Variants in NRXN3 observed in about 807,000 individuals in gnomAD.
NRXN3 encodes neurexin III.
Under a neutral mutation model 137.6 loss-of-function variants are expected in NRXN3, and 32 were observed. That is an observed-to-expected ratio of 0.23 (90% CI 0.18 to 0.31). The LOEUF (loss-of-function observed/expected upper bound fraction) is 0.31, where lower values mean the gene tolerates loss of function less well. NRXN3 is among the 10% of genes least tolerant of loss of function. The probability of loss-of-function intolerance (pLI) is 1.00; values close to 1 mark genes in which losing one functional copy is unlikely to be tolerated. For synonymous variants in NRXN3, 798 were observed against 784.5 expected, an observed-to-expected ratio of 1.02 and a Z score of -0.29; for missense variants, 1,574 against 2,062.5, an observed-to-expected ratio of 0.76 and a Z score of 4.59.
intron 6 of NRXN3, among the ~76,000 whole-genome samples, chr14:78,683,762 A>G (rs776014536): frequency 2.0e-5 from 3 of 152,208 alleles, no homozygotes; most frequent in Non-Finnish European, 2.9e-5. Context: ...GGAGTGACAA[A>G]CTTTTGTCAC....
intron 16 of NRXN3, among the ~76,000 whole-genome samples, chr14:79,475,649 C>A (rs2153630160): frequency 6.6e-6 from 1 of 152,176 alleles, no homozygotes; most frequent in Non-Finnish European, 1.5e-5. Flanking sequence ...CAACTCCTGG[C>A]ATATAGTGAG....
chr14:79,779,595 CA>C (rs985409943), intron 19 of NRXN3, among the ~76,000 whole-genome samples: 1 of 152,130 alleles, frequency 6.6e-6, no homozygotes, highest in Non-Finnish European at 1.5e-5. Context: ...AGCACATGAT[CA>C]AAAAACTTTT....
intron 4 of NRXN3, among the ~76,000 whole-genome samples, chr14:78,337,157 G>T (rs956976261): frequency 1.1e-4 from 16 of 152,192 alleles, no homozygotes; most frequent in African/African-American, 3.9e-4. Context: ...TTCACTTACT[G>T]GGGGAGGCAG....
At chr14:78,850,196 C>A (rs1039388393) in intron 10 of NRXN3, among the ~76,000 whole-genome samples, 3 of 150,202 alleles carry the variant, frequency 2.0e-5, no homozygotes, top group Non-Finnish European at 3.0e-5. Flanking sequence ...AAGAGAGAGG[C>A]TCCTGTAATG....
At chr14:78,482,288 T>G (rs937151527) in intron 4 of NRXN3, among the ~76,000 whole-genome samples, 4 of 152,224 alleles carry the variant, frequency 2.6e-5, no homozygotes, top group Admixed American at 2.6e-4. Context: ...GCTATTTGTA[T>G]ACTTGTTTAT....
At chr14:78,766,131 A>G (rs2050962173) in intron 8 of NRXN3, among the ~76,000 whole-genome samples, 1 of 152,214 alleles carries the variant, frequency 6.6e-6, no homozygotes. Flanking sequence ...TAAAGATGAC[A>G]TCTTAATATA....
Position 78,715,097 on chromosome 14 carries a change from G to A in NRXN3, c.2002G>A (p.Asp668Asn). 1.2e-6 allele frequency: 2 copies of A among 1,612,422 alleles called. No homozygotes were observed. The highest frequency in any genetic ancestry group is 8.5e-7 in the Non-Finnish European group (1 of 1,179,718). The change falls in exon 8 of 21, where the codon GAC (aspartate) becomes AAC (asparagine). Residue 668 changes from aspartate (D) to asparagine (N), a missense_variant. This residue lies in a region of NRXN3 where 718 missense variants were observed against 887.6 expected (regional missense o/e 0.81). Coordinates refer to ENST00000335750, the MANE Select transcript of NRXN3 (RefSeq NM_001330195.2). ...GGACGGCTGGAACCGCTTCATCTGC[G>A]ACTGCACCGGCACCGGATACTGGGG... is the stretch of plus-strand genomic sequence containing the variant. ...CKDGWNRFIC[D>N]CTGTGYWGRT...
At chr14:79,199,479 C>T (rs745652105) in intron 15 of NRXN3, among the ~76,000 whole-genome samples, 3 of 152,098 alleles carry the variant, frequency 2.0e-5, no homozygotes, top group Admixed American at 1.3e-4. Context: ...TGTTCACTAA[C>T]GTAATTTTTA....
At chr14:78,241,449 G>A (rs10129422) in intron 1 of NRXN3, among the ~76,000 whole-genome samples, 62,096 of 151,710 alleles carry the variant, frequency 0.41, 14,060 homozygotes, top group African/African-American at 0.61. Flanking sequence ...ATGAAACTCC[G>A]TCTCTACTAA....
intron 8 of NRXN3, among the ~76,000 whole-genome samples, chr14:78,787,326 T>G (rs1208005864): frequency 6.6e-6 from 1 of 152,178 alleles, no homozygotes; most frequent in African/African-American, 2.4e-5. Flanking sequence ...TACAACTGTG[T>G]GTGGAGCAGT....
At chr14:79,069,501 A>G (rs2099684835) in intron 15 of NRXN3, among the ~76,000 whole-genome samples, 1 of 152,030 alleles carries the variant, frequency 6.6e-6, no homozygotes, top group Admixed American at 6.6e-5. Flanking sequence ...TGACAGTGCT[A>G]AGTGCTACAA....
At chr14:78,409,923 C>G (rs1184725184) in intron 4 of NRXN3, among the ~76,000 whole-genome samples, 1 of 152,150 alleles carries the variant, frequency 6.6e-6, no homozygotes, top group Admixed American at 6.5e-5. Flanking sequence ...CTAGGAATAC[C>G]TTGATACAAG....
intron 4 of NRXN3, among the ~76,000 whole-genome samples, chr14:78,378,641 C>A (rs903309246): frequency 6.6e-5 from 10 of 151,986 alleles, no homozygotes; most frequent in Non-Finnish European, 1.3e-4. Context: ...TAATCAAACT[C>A]ACATCTTAAA....
chr14:79,758,248 G>A (rs2099026564), intron 19 of NRXN3, among the ~76,000 whole-genome samples: 1 of 152,100 alleles, frequency 6.6e-6, no homozygotes, highest in Non-Finnish European at 1.5e-5. Context: ...GTGAGACTGA[G>A]TAATTTACAA....
At chr14:78,887,396 T>G (rs960632956) in intron 10 of NRXN3, among the ~76,000 whole-genome samples, 3 of 151,960 alleles carry the variant, frequency 2.0e-5, no homozygotes, top group African/African-American at 4.8e-5. Flanking sequence ...GAAAGAGGGA[T>G]GTATACAGAT....
intron 15 of NRXN3, among the ~76,000 whole-genome samples, chr14:79,022,848 T>C (rs2099591891): frequency 6.6e-6 from 1 of 152,190 alleles, no homozygotes; most frequent in Non-Finnish European, 1.5e-5. Context: ...TTAGCCTTAA[T>C]CAGGGCCCAC....
intron 15 of NRXN3, among the ~76,000 whole-genome samples, chr14:79,260,471 G>A (rs914653689): frequency 5.9e-5 from 9 of 152,136 alleles, no homozygotes; most frequent in Non-Finnish European, 1.0e-4. Flanking sequence ...TTGTGTTGGG[G>A]AGTACTTTTG....
intron 15 of NRXN3, among the ~76,000 whole-genome samples, chr14:79,116,539 T>C (rs1015552152): frequency 2.6e-5 from 4 of 152,214 alleles, no homozygotes; most frequent in Non-Finnish European, 5.9e-5. Context: ...GAAGTTTGGC[T>C]ACATTTTCAA....
intron 6 of NRXN3, among the ~76,000 whole-genome samples, chr14:78,678,637 C>A (rs1408784184): frequency 6.6e-6 from 1 of 152,154 alleles, no homozygotes; most frequent in Non-Finnish European, 1.5e-5. Context: ...TTCCTTGCAT[C>A]CTTGACAGTT....
Sources: gnomAD v4.1 joint callset for allele counts (sites outside exome capture counted in the v4.1 genomes callset) on GRCh38, gnomAD v4.1.1 for gene constraint, gnomAD v4.1.1 regional missense constraint, MANE v1.5 for transcripts, NCBI Gene and HGNC (gene_info 2026-07-23, HGNC 2026-07-21) for gene names.